Variants in NTM observed in about 807,000 individuals in gnomAD.
NTM encodes the protein neurotrimin.
Under a neutral mutation model 42.1 loss-of-function variants are expected in NTM, and 13 were observed. That is an observed-to-expected ratio of 0.31 (90% CI 0.20 to 0.49). The LOEUF is 0.49. NTM is among the 20% of genes least tolerant of loss of function. The pLI, the probability that NTM is intolerant of heterozygous loss-of-function variation, is 0.99. For synonymous variants in NTM, 187 were observed against 179.2 expected (o/e 1.04, Z -0.35); for missense variants, 373 against 452.8 (o/e 0.82, Z 1.60).
intron 2 of NTM, among the ~76,000 whole-genome samples, chr11:132,053,892 C>T (rs2079208947): frequency 6.6e-6 from 1 of 152,188 alleles, no homozygotes. Flanking sequence ...ACCTTAGGGT[C>T]TATTTACAGT....
intron 2 of NTM, among the ~76,000 whole-genome samples, chr11:132,055,657 G>A (rs975398653): frequency 1.6e-5 from 2 of 126,668 alleles, no homozygotes; most frequent in Admixed American, 8.1e-5. Flanking sequence ...GTGAGAGAGA[G>A]AGAGAGCGAG....
At chr11:131,752,844 T>C (rs373788761) in intron 1 of NTM, among the ~76,000 whole-genome samples, 2 of 152,126 alleles carry the variant, frequency 1.3e-5, no homozygotes, top group African/African-American at 4.8e-5. Flanking sequence ...GGACTTCATG[T>C]CTAAAACACC....
chr11:131,694,800 G>A (rs542201423), intron 1 of NTM, among the ~76,000 whole-genome samples: 15 of 152,324 alleles, frequency 9.8e-5, no homozygotes, highest in Admixed American at 2.6e-4. Flanking sequence ...ACAGGATCAG[G>A]TGAGCCTGAT....
At chr11:131,915,536 T>C (rs2056165994) in intron 2 of NTM, among the ~76,000 whole-genome samples, 1 of 152,182 alleles carries the variant, frequency 6.6e-6, no homozygotes. Flanking sequence ...TCTCTATCAT[T>C]TTATTTTAAA....
intron 2 of NTM, among the ~76,000 whole-genome samples, chr11:131,959,478 T>TA (rs1361251998): frequency 1.3e-5 from 2 of 151,462 alleles, no homozygotes; most frequent in South Asian, 2.1e-4. Context: ...ATAAAATAAT[T>TA]AAAAAAAATT....
At chr11:131,505,395 C>T (rs1430016515) in intron 1 of NTM, among the ~76,000 whole-genome samples, 1 of 152,198 alleles carries the variant, frequency 6.6e-6, no homozygotes, top group Non-Finnish European at 1.5e-5. Flanking sequence ...CCCCAAACAG[C>T]AGCCTCAGCA....
intron 3 of NTM, among the ~76,000 whole-genome samples, chr11:132,165,127 G>A (rs772754523): frequency 3.9e-5 from 6 of 152,018 alleles, no homozygotes; most frequent in Non-Finnish European, 8.8e-5. Context: ...ATCCAACACC[G>A]GCAAAGCTAT....
rs1268544319 is a variant in NTM, at chr11:131,591,857, C to G, written c.82+220969C>G. Reference sequence around the variant, plus strand: ...TCCCTGTGTCTAACCTGAATTCCTCCTGCTGCAAGGTAAACCTCCCTTCGT... The same window carrying G: ...TCCCTGTGTCTAACCTGAATTCCTCGTGCTGCAAGGTAAACCTCCCTTCGT... On this transcript the variant is annotated intron_variant, in intron 1 of 8. Coordinates refer to ENST00000683400, the MANE Select transcript of NTM (RefSeq NM_001352005.2). 2.6e-5 allele frequency among the ~76,000 whole-genome samples: 4 copies of G among 152,336 alleles called. No homozygotes were observed. The East Asian group carries it at 7.7e-4, about 29-fold the overall frequency.
At chr11:131,907,663 G>A (rs2054060750) in intron 1 of NTM, among the ~76,000 whole-genome samples, 1 of 152,230 alleles carries the variant, frequency 6.6e-6, no homozygotes, top group African/African-American at 2.4e-5. Flanking sequence ...GGGAAAGAGG[G>A]TGGAGGTGGG....
intron 7 of NTM, among the ~76,000 whole-genome samples, chr11:132,327,071 A>G (rs554204949): frequency 1.3e-4 from 20 of 152,332 alleles, no homozygotes; most frequent in Non-Finnish European, 2.2e-4. Context: ...CCCTTCTGCA[A>G]ACAAAACAGA....
intron 2 of NTM, among the ~76,000 whole-genome samples, chr11:132,053,594 C>A (rs1381077216): frequency 6.6e-6 from 1 of 152,158 alleles, no homozygotes; most frequent in Non-Finnish European, 1.5e-5. Context: ...GGACAGGAGG[C>A]AGACCTTATC....
chr11:131,536,413 GT>G (rs1259223390), intron 1 of NTM: 1 of 152,182 alleles, frequency 6.6e-6, no homozygotes, highest in Non-Finnish European at 1.5e-5. Context: ...TGCACATAGA[GT>G]ATGGAGCCCA....
intron 2 of NTM, among the ~76,000 whole-genome samples, chr11:132,145,741 A>G (rs934859306): frequency 1.3e-5 from 2 of 152,206 alleles, no homozygotes; most frequent in African/African-American, 4.8e-5. Context: ...GGAATTTGCT[A>G]TTCTGAGATG....
At chr11:132,048,752 T>G (rs2078384370) in intron 2 of NTM, among the ~76,000 whole-genome samples, 1 of 151,298 alleles carries the variant, frequency 6.6e-6, no homozygotes, top group Admixed American at 6.6e-5. Context: ...CCCAGCAATA[T>G]CGACAACAAG....
chr11:131,642,230 C>T (rs2065232692), intron 1 of NTM, among the ~76,000 whole-genome samples: 2 of 152,134 alleles, frequency 1.3e-5, no homozygotes, highest in African/African-American at 4.8e-5. Context: ...GTGTGGGAAG[C>T]AAGCTCTAGC....
At chr11:132,238,246 G>A (rs1347262533) in intron 4 of NTM, among the ~76,000 whole-genome samples, 1 of 152,108 alleles carries the variant, frequency 6.6e-6, no homozygotes, top group Non-Finnish European at 1.5e-5. Context: ...TTACAGGTGA[G>A]CGAGCCCCGC....
intron 1 of NTM, among the ~76,000 whole-genome samples, chr11:131,432,160 T>G (rs535692769): frequency 1.3e-5 from 2 of 152,096 alleles, no homozygotes; most frequent in African/African-American, 4.8e-5. Flanking sequence ...GAGTACTACA[T>G]TCCTCCTTAA....
At chr11:131,911,188 C>A in intron 1 of NTM, 3 of 1,356,712 alleles carry the variant, frequency 2.2e-6, no homozygotes, top group Non-Finnish European at 2.9e-6. Flanking sequence ...TCACCTGCCG[C>A]GCGCTTCCCC....
chr11:132,083,707 C>T (rs2136309456), intron 2 of NTM, among the ~76,000 whole-genome samples: 1 of 152,196 alleles, frequency 6.6e-6, no homozygotes, highest in Middle Eastern at 3.4e-3. Context: ...GGAAGCATAC[C>T]CTTACAGTCA....
Sources: allele counts gnomAD v4.1 joint callset (sites outside exome capture counted in the v4.1 genomes callset), GRCh38; gene constraint gnomAD v4.1.1; transcripts MANE v1.5; gene names NCBI Gene and HGNC (gene_info 2026-07-23, HGNC 2026-07-21).